The following PAWR variants were observed in gnomAD, a reference collection of about 807,000 sequenced individuals.
PAWR encodes the protein pro-apoptotic WT1 regulator.
PAWR carries 23 observed loss-of-function variants against 32.0 expected under a neutral mutation model. The observed-to-expected ratio is 0.72, with a 90% CI of 0.52 to 1.02. PAWR has a LOEUF of 1.02. Ranked by LOEUF, PAWR falls within the 50% of genes least tolerant of loss-of-function variation. The pLI, the probability that PAWR is intolerant of heterozygous loss-of-function variation, is 0.00. For synonymous variants in PAWR, 226 were observed against 187.1 expected (o/e 1.21, Z -1.70); for missense variants, 457 against 437.7 (o/e 1.04, Z -0.39).
intron 2 of PAWR, among the ~76,000 whole-genome samples, chr12:79,660,044 C>T (rs1471464176): frequency 6.6e-6 from 1 of 152,132 alleles, no homozygotes; most frequent in Non-Finnish European, 1.5e-5. Context: ...ATGGTTAGTG[C>T]CAGGCCCATA....
chr12:79,667,572 T>C (rs578114277), intron 2 of PAWR, among the ~76,000 whole-genome samples: 3 of 152,280 alleles, frequency 2.0e-5, no homozygotes, highest in African/African-American at 4.8e-5. Flanking sequence ...GCAACTATAA[T>C]GTATAGATCT....
At chr12:79,625,940 G>A (rs991816574) in intron 2 of PAWR, among the ~76,000 whole-genome samples, 10 of 151,500 alleles carry the variant, frequency 6.6e-5, no homozygotes, top group East Asian at 2.0e-4. Context: ...CGAGGCAGGC[G>A]GATCATGAGG....
intron 3 of PAWR, among the ~76,000 whole-genome samples, chr12:79,619,057 A>C (rs941075657): frequency 1.3e-5 from 2 of 151,670 alleles, no homozygotes; most frequent in African/African-American, 4.8e-5. Context: ...TAATTGATAA[A>C]ATTTTAGTAT....
intron 2 of PAWR, among the ~76,000 whole-genome samples, chr12:79,674,717 A>AAAAAATG (rs1350929765): frequency 6.6e-6 from 1 of 152,192 alleles, no homozygotes; most frequent in East Asian, 1.9e-4. Flanking sequence ...TAAGCCAAAA[A>AAAAAATG]AAAAATGACC....
chr12:79,690,470 G>A (rs1878960937), intron 1 of PAWR, 79 bp from the exon 2 acceptor site: 15 of 876,426 alleles, frequency 1.7e-5, no homozygotes, highest in Non-Finnish European at 2.3e-5. Context: ...CCCGGGCTGC[G>A]CCCCTTGGAG....
intron 2 of PAWR, among the ~76,000 whole-genome samples, chr12:79,658,040 G>A (rs1327924448): frequency 1.3e-5 from 2 of 152,108 alleles, no homozygotes; most frequent in Non-Finnish European, 2.9e-5. Flanking sequence ...AGACTATGAG[G>A]TGGGCATCAT....
At chr12:79,631,110 C>A (rs1393195812) in intron 2 of PAWR, among the ~76,000 whole-genome samples, 1 of 151,944 alleles carries the variant, frequency 6.6e-6, no homozygotes, top group East Asian at 1.9e-4. Flanking sequence ...AAACATAAAC[C>A]CTCATGCCAA....
intron 2 of PAWR, among the ~76,000 whole-genome samples, chr12:79,637,977 A>G (rs61927415): frequency 0.011 from 1,640 of 152,258 alleles, 11 homozygotes; most frequent in Non-Finnish European, 0.015. Flanking sequence ...GTAGCTGCAT[A>G]GTATTATATC....
At chr12:79,662,114 G>A (rs1409859738) in intron 2 of PAWR, among the ~76,000 whole-genome samples, 1 of 148,434 alleles carries the variant, frequency 6.7e-6, no homozygotes, top group African/African-American at 2.5e-5. Flanking sequence ...TGTGCCTGTG[G>A]TCACAGCTAC....
chr12:79,588,286 A>G lies in PAWR; in HGVS notation c.*4321T>C, dbSNP rs1873445186. The G allele has an allele frequency of 6.6e-6, 1 of 152,040 alleles. No homozygotes were observed. Among genetic ancestry groups the G allele is most frequent in the South Asian group, 2.1e-4 (1 of 4,824 alleles). The allele number at this position is 152,040 out of a possible 1,614,324, so 9.4% of individuals were successfully genotyped here. On this transcript the variant is annotated 3_prime_UTR_variant, in exon 7 of 7. Coordinates refer to ENST00000328827, the MANE Select transcript of PAWR (RefSeq NM_002583.4). ...CATATCTAAAAACAAACCAGTAATC[A>G]ATAATATATACAGAAATACTAACTT...
In PAWR at chr12:79,590,629, A is replaced by G. The variant is rs1024842857; in HGVS notation, c.*1978T>C. 5.9e-5 allele frequency: 9 copies of G among 152,224 alleles called. No homozygotes were observed. Among genetic ancestry groups the G allele is most frequent in the African/African-American group, 2.2e-4 (9 of 41,458 alleles). The allele number at this position is 152,224 out of a possible 1,614,324, so 9.4% of individuals were successfully genotyped here. A position where few individuals can be genotyped will look rare whatever the true frequency, so the allele number is the denominator to read the frequency against. On this transcript the variant is annotated 3_prime_UTR_variant, in exon 7 of 7. Transcript: ENST00000328827. ...TAATATATTTTAAGGTTGGATACTA[A>G]CAGCATTTTCACAAGATCCAAAGTG...
At chr12:79,609,964 G>C (rs1183603135) in intron 4 of PAWR, among the ~76,000 whole-genome samples, 1 of 152,206 alleles carries the variant, frequency 6.6e-6, no homozygotes, top group Non-Finnish European at 1.5e-5. Context: ...GGACAGTACA[G>C]AATTCATTCC....
chr12:79,689,838 T>G lies in PAWR; in HGVS notation c.407A>C (p.Lys136Thr), dbSNP rs1175979646. The G allele has an allele frequency of 6.3e-7, 1 of 1,590,810 alleles. No homozygotes were observed. Among genetic ancestry groups the G allele is most frequent in the Non-Finnish European group, 8.5e-7 (1 of 1,169,858 alleles). Reference protein sequence around the residue: ...DEEEPDGVPEKGKSSGPSARK... With the variant: ...DEEEPDGVPETGKSSGPSARK... ...GGCACTGGGGCCCGAGCTCTTGCCC[T>G]TCTCTGGGACGCCGTCCGGCTCCTC... Residue 136 changes from lysine (K) to threonine (T), a missense_variant, in exon 2 of 7, where the codon AAG becomes ACG. Transcript: ENST00000328827.
intron 2 of PAWR, among the ~76,000 whole-genome samples, chr12:79,663,197 C>T (rs954914015): frequency 6.6e-5 from 10 of 152,192 alleles, no homozygotes; most frequent in African/African-American, 2.4e-4. Context: ...ACACCAGTTA[C>T]TTACTCTGTA....
intron 4 of PAWR, among the ~76,000 whole-genome samples, chr12:79,605,217 G>A (rs927920274): frequency 2.0e-5 from 3 of 151,678 alleles, no homozygotes; most frequent in African/African-American, 7.3e-5. Flanking sequence ...AATCTATCTC[G>A]TTAAAAATTT....
chr12:79,626,163 T>TAAAAAAAAA (rs565157190), intron 2 of PAWR, among the ~76,000 whole-genome samples: 20 of 82,124 alleles, frequency 2.4e-4, no homozygotes, highest in African/African-American at 7.1e-4. Flanking sequence ...GACTCCATCT[T>TAAAAAAAAA]AAAAAAAAAA....
At chr12:79,649,886 G>A (rs1287264718) in intron 2 of PAWR, among the ~76,000 whole-genome samples, 1 of 152,184 alleles carries the variant, frequency 6.6e-6, no homozygotes, top group African/African-American at 2.4e-5. Flanking sequence ...GGACTGGGCT[G>A]TAGCAGGGGG....
intron 4 of PAWR, among the ~76,000 whole-genome samples, chr12:79,599,790 T>C (rs553880598): frequency 3.3e-4 from 50 of 152,338 alleles, no homozygotes; most frequent in South Asian, 4.1e-4. Context: ...TACAGATTCA[T>C]CCAACATTTC....
intron 4 of PAWR, chr12:79,604,871 T>C: frequency 3.9e-6 from 1 of 255,882 alleles, no homozygotes; most frequent in South Asian, 4.4e-5. Context: ...CATCAGTAAT[T>C]CCACTAACCC....
Sources: gnomAD v4.1 joint callset for allele counts (sites outside exome capture counted in the v4.1 genomes callset) on GRCh38, gnomAD v4.1.1 for gene constraint, MANE v1.5 for transcripts, NCBI Gene and HGNC (gene_info 2026-07-23, HGNC 2026-07-21) for gene names.